Variants in CERS6 observed in about 807,000 individuals in gnomAD.
CERS6 encodes ceramide synthase 6.
Under a neutral mutation model 56.8 loss-of-function variants are expected in CERS6, and 26 were observed. That is an observed-to-expected ratio of 0.46 (90% CI 0.34 to 0.63). The LOEUF (loss-of-function observed/expected upper bound fraction) is 0.63, where lower values mean the gene tolerates loss of function less well. CERS6 is among the 30% of genes least tolerant of loss of function. The pLI is 0.01. For synonymous variants in CERS6, 164 were observed against 173.3 expected, an observed-to-expected ratio of 0.95 and a Z score of 0.42; for missense variants, 415 against 467.5, an observed-to-expected ratio of 0.89 and a Z score of 1.04.
chr2:168,517,853 G>C (rs549478511), intron 1 of CERS6, among the ~76,000 whole-genome samples: 28 of 152,306 alleles, frequency 1.8e-4, no homozygotes, highest in African/African-American at 5.8e-4. Flanking sequence ...TTTTGGAGGG[G>C]AAAGTATTCC....
intron 4 of CERS6, among the ~76,000 whole-genome samples, chr2:168,688,574 TG>T (rs1376538097): frequency 6.6e-6 from 1 of 152,164 alleles, no homozygotes; most frequent in East Asian, 1.9e-4. Flanking sequence ...TCACAGTGTT[TG>T]GGGGGTATAA....
At chr2:168,603,636 C>G (rs115532706) in intron 3 of CERS6, among the ~76,000 whole-genome samples, 3,059 of 152,314 alleles carry the variant, frequency 0.02, 45 homozygotes, top group Non-Finnish European at 0.03. Flanking sequence ...TCAGATGCGG[C>G]TACAGGTGTA....
chr2:168,588,995 C>T (rs1683611357), intron 3 of CERS6, among the ~76,000 whole-genome samples: 1 of 152,212 alleles, frequency 6.6e-6, no homozygotes, highest in Non-Finnish European at 1.5e-5. Context: ...CTGCCTTGGC[C>T]TCCCAAAGTG....
rs189075720 is a variant in CERS6, at chr2:168,682,672, A to G, written c.466-8362A>G. Among the ~76,000 whole-genome samples the G allele has an allele frequency of 7.2e-5, 11 of 152,052 alleles. No individual in the cohort carries two copies. In the East Asian group the frequency reaches 2.1e-3, roughly 29 times the overall value. ...GAAAAATGGGGGAGTTAATACTACA[A>G]CTCTCACAATGGGGGGTGGGAGTTG... On this transcript the variant is annotated intron_variant, in intron 4 of 9. Transcript: ENST00000305747.
intron 4 of CERS6, among the ~76,000 whole-genome samples, chr2:168,656,462 G>A (rs1685472071): frequency 6.6e-6 from 1 of 151,362 alleles, no homozygotes; most frequent in Non-Finnish European, 1.5e-5. Context: ...ATGTTCAGAT[G>A]TGTTCGGAGT....
At chr2:168,627,810 A>T (rs897115809) in intron 3 of CERS6, among the ~76,000 whole-genome samples, 1 of 151,792 alleles carries the variant, frequency 6.6e-6, no homozygotes, top group Non-Finnish European at 1.5e-5. Context: ...AGCTATAATT[A>T]GATTTGTTTT....
At chr2:168,461,241 G>A (rs1312140203) in intron 1 of CERS6, among the ~76,000 whole-genome samples, 1 of 152,082 alleles carries the variant, frequency 6.6e-6, no homozygotes, top group East Asian at 1.9e-4. Context: ...AACCCTATAA[G>A]TGTTCCTTAT....
At chr2:168,656,511 G>A (rs1000339438) in intron 4 of CERS6, among the ~76,000 whole-genome samples, 1 of 151,984 alleles carries the variant, frequency 6.6e-6, no homozygotes, top group Non-Finnish European at 1.5e-5. Context: ...GCTGGCTCAG[G>A]AGTGAAGCTG....
In CERS6 at chr2:168,456,716, C is replaced by G; in HGVS notation, c.170+98C>G. On this transcript the variant is annotated intron_variant, in intron 1 of 9. Transcript: ENST00000305747. The surrounding 1 kb of genome is among the most constrained non-coding windows in gnomAD (Gnocchi z 4.1). ...GGCGCACGCCCCCGCGCCCCCAACG[C>G]TCGCGTTCACGCCTCCCAACCTTTG... 3.4e-6 allele frequency: 4 copies of G among 1,177,100 alleles called. No homozygotes were observed. The highest frequency in any genetic ancestry group is 4.8e-6 in the Non-Finnish European group (4 of 827,670). 72.9% of individuals were successfully genotyped at this position (1,177,100 alleles called of 1,614,324 possible).
At chr2:168,618,105 C>T (rs1684363379) in intron 3 of CERS6, among the ~76,000 whole-genome samples, 1 of 152,082 alleles carries the variant, frequency 6.6e-6, no homozygotes, top group Non-Finnish European at 1.5e-5. Flanking sequence ...TGTGATACAA[C>T]ACATAAACAG....
chr2:168,514,204 C>G (rs1694846216), intron 1 of CERS6, among the ~76,000 whole-genome samples: 1 of 152,188 alleles, frequency 6.6e-6, no homozygotes, highest in South Asian at 2.1e-4. Flanking sequence ...AAATTTTAAA[C>G]CCTTCTTTGC....
At chr2:168,766,230 C>A in intron 9 of CERS6, 1 of 1,209,022 alleles carries the variant, frequency 8.3e-7, no homozygotes, top group Non-Finnish European at 1.2e-6. Flanking sequence ...AAGCCTCAGC[C>A]CCAACCCTGT....
Position 168,673,318 on chromosome 2 carries a change from C to T in CERS6, c.466-17716C>T, listed in dbSNP as rs115387341. On this transcript the variant is annotated intron_variant, in intron 4 of 9. Coordinates refer to ENST00000305747, the MANE Select transcript of CERS6 (RefSeq NM_203463.3). Reference sequence around the variant, plus strand: ...AATGAGCTTTTTATTGTCCTGATTACGAATAATGCCCTGATTGTGTTTAAT... The same window carrying T: ...AATGAGCTTTTTATTGTCCTGATTATGAATAATGCCCTGATTGTGTTTAAT... Among the ~76,000 whole-genome samples, 835 of 152,180 alleles carry T rather than the reference C, an allele frequency of 5.5e-3. 12 individuals are homozygous for T. The highest frequency in any genetic ancestry group is 0.019 in the African/African-American group (788 of 41,526).
At chr2:168,654,568 C>T (rs1236242406) in intron 4 of CERS6, among the ~76,000 whole-genome samples, 1 of 151,902 alleles carries the variant, frequency 6.6e-6, no homozygotes, top group Non-Finnish European at 1.5e-5. Context: ...AAACAAAAAA[C>T]CCAAAAATGT....
chr2:168,565,531 A>G (rs545054600), intron 3 of CERS6, among the ~76,000 whole-genome samples: 17 of 152,342 alleles, frequency 1.1e-4, no homozygotes, highest in African/African-American at 3.6e-4. Context: ...TTTCTATTAT[A>G]TAAGTTCCTA....
chr2:168,654,708 T>C (rs1685427226), intron 4 of CERS6, among the ~76,000 whole-genome samples: 3 of 152,232 alleles, frequency 2.0e-5, no homozygotes. Flanking sequence ...AGTAGAATTT[T>C]GTACAAAAGT....
chr2:168,640,763 T>A (rs1436843980), intron 4 of CERS6, among the ~76,000 whole-genome samples: 1 of 152,224 alleles, frequency 6.6e-6, no homozygotes, highest in Non-Finnish European at 1.5e-5. Context: ...ATTAAGGAGA[T>A]GGGACATTTT....
At chr2:168,479,803 T>C (rs1300462135) in intron 1 of CERS6, among the ~76,000 whole-genome samples, 4 of 152,102 alleles carry the variant, frequency 2.6e-5, no homozygotes, top group African/African-American at 7.2e-5. Context: ...AGACGGGGTT[T>C]CTCCATGTTG....
At chr2:168,686,237 C>T (rs574222574) in intron 4 of CERS6, among the ~76,000 whole-genome samples, 1 of 150,656 alleles carries the variant, frequency 6.6e-6, no homozygotes, top group East Asian at 2.0e-4. Flanking sequence ...TCCCTCTGAG[C>T]ACGCGCGTGG....
Sources: allele counts gnomAD v4.1 joint callset (sites outside exome capture counted in the v4.1 genomes callset), GRCh38; gene constraint gnomAD v4.1.1; non-coding constraint Gnocchi (gnomAD v3.1); transcripts MANE v1.5; gene names NCBI Gene and HGNC (gene_info 2026-07-23, HGNC 2026-07-21).